RASA1: variants seen among roughly 807,000 people sequenced by gnomAD.
RASA1 encodes ras GTPase-activating protein 1.
A neutral mutation model predicts 132.2 loss-of-function variants in RASA1; 25 were observed. The ratio of observed to expected loss-of-function variants is 0.19; its 90% CI spans 0.14 to 0.26. The LOEUF is 0.26. Ranked by LOEUF, RASA1 falls within the 10% of genes least tolerant of loss-of-function variation. The probability of loss-of-function intolerance (pLI) is 1.00; values close to 1 mark genes in which losing one functional copy is unlikely to be tolerated. For missense variants in RASA1, 964 were observed against 1,299.2 expected (o/e 0.74, Z 3.97); for synonymous variants, 477 against 449.9 (o/e 1.06, Z -0.76).
intron 22 of RASA1, among the ~76,000 whole-genome samples, chr5:87,385,760 T>A (rs879656473): frequency 2.6e-5 from 4 of 152,034 alleles, no homozygotes; most frequent in African/African-American, 4.8e-5. Context: ...TACACTTAAT[T>A]GTACTATCTA....
intron 1 of RASA1, among the ~76,000 whole-genome samples, chr5:87,295,616 C>T (rs1448344577): frequency 1.3e-5 from 2 of 151,958 alleles, no homozygotes; most frequent in Non-Finnish European, 2.9e-5. Context: ...GTGATCCTCC[C>T]ACCTCAGCCT....
chr5:87,285,838 C>G (rs990083277), intron 1 of RASA1, among the ~76,000 whole-genome samples: 1 of 151,750 alleles, frequency 6.6e-6, no homozygotes, highest in Admixed American at 6.6e-5. Flanking sequence ...AGGCTGCTCT[C>G]GAACTCCTGA....
Position 87,335,847 on chromosome 5 carries a change from A to T in RASA1, c.900-2127A>T, listed in dbSNP as rs941677914. ...TTACAAAATTATGCATGGGTAAAAGATTCATTTAAAGTGCAAGATAGACCA... is the reference window on the plus strand; with the variant it reads ...TTACAAAATTATGCATGGGTAAAAGTTTCATTTAAAGTGCAAGATAGACCA... On this transcript the variant is annotated intron_variant, in intron 4 of 24. Coordinates refer to ENST00000274376, the MANE Select transcript of RASA1 (RefSeq NM_002890.3). Among the ~76,000 whole-genome samples, 8 of 152,232 alleles carry T rather than the reference A, an allele frequency of 5.3e-5. 1 individual carries two copies. Among genetic ancestry groups the T allele is most frequent in the Admixed American group, 3.9e-4 (6 of 15,286 alleles).
chr5:87,388,415 C>T (rs996086605), intron 23 of RASA1, among the ~76,000 whole-genome samples: 1 of 152,162 alleles, frequency 6.6e-6, no homozygotes, highest in African/African-American at 2.4e-5. Flanking sequence ...TATCCCTAAT[C>T]TGAAATCTGA....
chr5:87,390,646 TGACTGAATAATA>T (rs958565334), intron 24 of RASA1, among the ~76,000 whole-genome samples, 142 bp from the exon 25 acceptor site: 56 of 152,256 alleles, frequency 3.7e-4, no homozygotes, highest in African/African-American at 1.3e-3. Context: ...ACTCAGCCAA[TGACTGAATAATA>T]GAGACTTATG....
At chr5:87,380,888 A>G (rs1352288596) in intron 20 of RASA1, among the ~76,000 whole-genome samples, 1 of 152,198 alleles carries the variant, frequency 6.6e-6, no homozygotes. Context: ...CTAACTTCAT[A>G]TAGTATTCTT....
At chr5:87,377,811 C>T (rs1761427835) in intron 17 of RASA1, among the ~76,000 whole-genome samples, 1 of 152,098 alleles carries the variant, frequency 6.6e-6, no homozygotes, top group South Asian at 2.1e-4. Flanking sequence ...CTTCTAGGTT[C>T]CCCAAATAAA....
At chr5:87,387,918 A>T (rs1043555837) in intron 23 of RASA1, among the ~76,000 whole-genome samples, 3 of 152,194 alleles carry the variant, frequency 2.0e-5, no homozygotes, top group Admixed American at 6.5e-5. Context: ...GTGAGAAGTT[A>T]TGCCACACAA....
intron 1 of RASA1, 98 bp from the exon 2 acceptor site, chr5:87,331,250 G>T (rs1228666511): frequency 8.1e-7 from 1 of 1,241,816 alleles, no homozygotes; most frequent in Non-Finnish European, 1.2e-6. Flanking sequence ...TAAGTTACAT[G>T]TAGGCATTTA....
At chr5:87,287,247 G>A (rs929402041) in intron 1 of RASA1, among the ~76,000 whole-genome samples, 21 of 111,966 alleles carry the variant, frequency 1.9e-4, no homozygotes, top group African/African-American at 4.6e-4. Flanking sequence ...TATATATACC[G>A]TATATATACA....
intron 9 of RASA1, among the ~76,000 whole-genome samples, chr5:87,360,746 TATC>T (rs1205916206): frequency 7.2e-5 from 11 of 152,144 alleles, no homozygotes; most frequent in Non-Finnish European, 1.5e-4. Context: ...AATTCAAGTA[TATC>T]ATCATCTGAA....
chr5:87,389,068 AAG>A (rs1561333004), intron 23 of RASA1, among the ~76,000 whole-genome samples: 3 of 152,202 alleles, frequency 2.0e-5, no homozygotes, highest in Non-Finnish European at 4.4e-5. Flanking sequence ...ATATTTCAAT[AAG>A]AATCTTTAGA....
At chr5:87,316,020 T>A (rs988078750) in intron 1 of RASA1, among the ~76,000 whole-genome samples, 17 of 152,248 alleles carry the variant, frequency 1.1e-4, no homozygotes, top group African/African-American at 4.1e-4. Context: ...ATGGACACTA[T>A]GTTAAAATCT....
chr5:87,367,993 A>C (rs1244582805), intron 11 of RASA1, among the ~76,000 whole-genome samples: 1 of 152,088 alleles, frequency 6.6e-6, no homozygotes, highest in African/African-American at 2.4e-5. Flanking sequence ...AATTATCCTT[A>C]GGTTTGTAGT....
At chr5:87,380,128 T>C (rs1448513996) in intron 19 of RASA1, among the ~76,000 whole-genome samples, 3 of 152,182 alleles carry the variant, frequency 2.0e-5, no homozygotes, top group Non-Finnish European at 2.9e-5. Context: ...AAAAGATATC[T>C]TGTCTATCCA....
In RASA1 at chr5:87,306,513, C is replaced by T. The variant is rs572873536; in HGVS notation, c.540-24835C>T. Among the ~76,000 whole-genome samples the T allele has an allele frequency of 5.3e-5, 8 of 151,944 alleles. No individual in the cohort carries two copies. In the East Asian group the frequency reaches 1.5e-3, roughly 29 times the overall value. ...ACCAGGAAAAATGACTAATAGGTAC[C>T]AGGCTTAATACCTGGGTGATGAAAT... On this transcript the variant is annotated intron_variant, in intron 1 of 24. Coordinates refer to ENST00000274376, the MANE Select transcript of RASA1 (RefSeq NM_002890.3).
rs377551445 is a variant in RASA1 at position 87,366,211 on chromosome 5, A to G, written c.1610+2707A>G. ...TAAGGCAGAAATTCAACCTTGGAAAAATGAGGTTAAAAATGATTCACTAAT... is the reference window on the plus strand; with the variant it reads ...TAAGGCAGAAATTCAACCTTGGAAAGATGAGGTTAAAAATGATTCACTAAT... On this transcript the variant is annotated intron_variant, in intron 11 of 24. Coordinates refer to ENST00000274376, the MANE Select transcript of RASA1 (RefSeq NM_002890.3). 6.3e-4 allele frequency: 118 copies of G among 188,484 alleles called. 1 individual carries two copies. In the Middle Eastern group the frequency reaches 7.2e-3, roughly 12 times the overall value. The allele number at this position is 188,484 out of a possible 1,614,324, so 11.7% of individuals were successfully genotyped here. A position where few individuals can be genotyped will look rare whatever the true frequency, so the allele number is the denominator to read the frequency against.
chr5:87,367,910 CTG>C (rs1260287610), intron 11 of RASA1, among the ~76,000 whole-genome samples: 3 of 152,046 alleles, frequency 2.0e-5, no homozygotes, highest in Non-Finnish European at 4.4e-5. Flanking sequence ...ACAACTTTCT[CTG>C]GATGCTTTGA....
intron 5 of RASA1, among the ~76,000 whole-genome samples, chr5:87,338,815 A>G (rs905730705): frequency 1.7e-4 from 26 of 151,898 alleles, no homozygotes; most frequent in Non-Finnish European, 1.5e-5. Context: ...ATAATTTTCC[A>G]GTAAACTTGG....
Sources: allele counts gnomAD v4.1 joint callset (sites outside exome capture counted in the v4.1 genomes callset), GRCh38; gene constraint gnomAD v4.1.1; transcripts MANE v1.5; gene names NCBI Gene and HGNC (gene_info 2026-07-23, HGNC 2026-07-21).